The following DTNBP1 variants were observed in gnomAD, a reference collection of about 807,000 sequenced individuals.
DTNBP1 encodes the protein dystrobrevin binding protein 1.
A neutral mutation model predicts 42.8 loss-of-function variants in DTNBP1; 35 were observed. That is an observed-to-expected ratio of 0.82 (90% confidence interval 0.63 to 1.09). DTNBP1 has a LOEUF of 1.09. Ranked by LOEUF, DTNBP1 falls within the 50% of genes least tolerant of loss-of-function variation. DTNBP1 has a pLI of 0.00. For missense variants in DTNBP1, 457 were observed against 424.2 expected, an observed-to-expected ratio of 1.08 and a Z score of -0.68; for synonymous variants, 171 against 162.2, an observed-to-expected ratio of 1.05 and a Z score of -0.41.
intron 7 of DTNBP1, among the ~76,000 whole-genome samples, chr6:15,581,594 T>A (rs1285469372): frequency 6.6e-6 from 1 of 150,724 alleles, no homozygotes; most frequent in African/African-American, 2.4e-5. Context: ...ACTTCTCCTG[T>A]CTCAGCCTCC....
chr6:15,624,544 C>T (rs1759229467), intron 5 of DTNBP1, among the ~76,000 whole-genome samples: 1 of 152,058 alleles, frequency 6.6e-6, no homozygotes, highest in Non-Finnish European at 1.5e-5. Context: ...AAATCCTTTG[C>T]CCTTCAATAA....
At chr6:15,644,052 T>G (rs1463587874) in intron 3 of DTNBP1, among the ~76,000 whole-genome samples, 1 of 151,966 alleles carries the variant, frequency 6.6e-6, no homozygotes, top group Non-Finnish European at 1.5e-5. Context: ...ATCTCACATG[T>G]AATGACACCC....
chr6:15,659,359 G>A (rs1451741539), intron 1 of DTNBP1, among the ~76,000 whole-genome samples: 1 of 152,202 alleles, frequency 6.6e-6, no homozygotes, highest in Non-Finnish European at 1.5e-5. Context: ...AATGCCTGAG[G>A]CCTTCCATTC....
intron 7 of DTNBP1, among the ~76,000 whole-genome samples, chr6:15,571,733 A>C (rs1775347737): frequency 6.6e-6 from 1 of 152,152 alleles, no homozygotes. Flanking sequence ...TTCCAGCTGC[A>C]CTGTGAACTT....
At chr6:15,588,242 T>A (rs1415659118) in intron 7 of DTNBP1, among the ~76,000 whole-genome samples, 1 of 152,224 alleles carries the variant, frequency 6.6e-6, no homozygotes, top group African/African-American at 2.4e-5. Flanking sequence ...ATGGCTGAAT[T>A]CAAATCTAAT....
chr6:15,523,603 A>G, intron 9 of DTNBP1: 6 of 1,286,010 alleles, frequency 4.7e-6, no homozygotes, highest in Non-Finnish European at 6.1e-6. Context: ...CAGAGACACC[A>G]CTGCTGAGAA....
chr6:15,638,671 A>G, intron 3 of DTNBP1, among the ~76,000 whole-genome samples: 1 of 152,194 alleles, frequency 6.6e-6, no homozygotes, highest in East Asian at 1.9e-4. Context: ...ATTAATGTCA[A>G]CAGTAATGAG....
intron 6 of DTNBP1, among the ~76,000 whole-genome samples, chr6:15,609,018 T>TCTC (rs1444196099): frequency 6.6e-6 from 1 of 152,186 alleles, no homozygotes; most frequent in Non-Finnish European, 1.5e-5. Context: ...CTCTCCTCCT[T>TCTC]CTCACTCCTT....
At chr6:15,585,293 C>A (rs1301495715) in intron 7 of DTNBP1, among the ~76,000 whole-genome samples, 1 of 150,882 alleles carries the variant, frequency 6.6e-6, no homozygotes, top group African/African-American at 2.4e-5. Context: ...CAAGGGATGC[C>A]GAATTAGTTT....
intron 5 of DTNBP1, among the ~76,000 whole-genome samples, chr6:15,620,411 CTCCTGGGCTTGAGCGATCT>C (rs1353526013): frequency 3.9e-5 from 6 of 152,046 alleles, no homozygotes; most frequent in African/African-American, 1.5e-4. Flanking sequence ...TGGTCTTGAA[CTCCTGGGCTTGAGCGATCT>C]TCCTGCGTTG....
intron 6 of DTNBP1, among the ~76,000 whole-genome samples, chr6:15,612,501 T>C (rs1320708357): frequency 6.6e-6 from 1 of 152,240 alleles, no homozygotes; most frequent in African/African-American, 2.4e-5. Context: ...ATTCATATAC[T>C]TTTTGTATTA....
chr6:15,615,046 T>C (rs1408666679), intron 6 of DTNBP1: 1 of 695,354 alleles, frequency 1.4e-6, no homozygotes, highest in Non-Finnish European at 2.5e-6. Flanking sequence ...CATCTTTATA[T>C]TTGGGATTCA....
rs78975928 is a variant in DTNBP1 at position 15,523,073 on chromosome 6, G to C, written c.958C>G (p.Gln320Glu). ...ISEGGESPVV[Q>E]SDEEEVQVDT... ...ACCTGAACTTCCTCCTCATCGGACT[G>C]AACAACGGGGGACTCCCCACCCTCA... Residue 320 changes from glutamine to glutamate, a missense_variant, in exon 10 of 10, where the codon CAG (glutamine) becomes GAG (glutamate). Coordinates refer to ENST00000344537, the MANE Select transcript of DTNBP1 (RefSeq NM_032122.5). The C allele has an allele frequency of 2.5e-6, 4 of 1,614,108 alleles. No individual in the cohort carries two copies. The African/African-American group carries it at 5.3e-5, about 22-fold the overall frequency.
intron 9 of DTNBP1, 136 bp from the exon 10 acceptor site, chr6:15,523,355 C>T: frequency 7.4e-7 from 1 of 1,355,034 alleles, no homozygotes; most frequent in African/African-American, 1.4e-5. Flanking sequence ...GCCTGCAGAA[C>T]TTGGGAACTG....
chr6:15,597,687 A>G (rs915811538), intron 6 of DTNBP1, among the ~76,000 whole-genome samples: 2 of 152,186 alleles, frequency 1.3e-5, no homozygotes, highest in Non-Finnish European at 2.9e-5. Context: ...TCGTCTCTAC[A>G]GTTCCTGAAG....
Position 15,568,276 on chromosome 6 carries a change from A to C in DTNBP1, c.511+24783T>G, listed in dbSNP as rs190305028. 3.6e-3 allele frequency among the ~76,000 whole-genome samples: 555 copies of C among 152,322 alleles called. 15 individuals are homozygous for C. Among genetic ancestry groups the C allele is most frequent in the Admixed American group, 0.028 (424 of 15,302 alleles). ...ATTTATTACTGAGAGAATTTTAGAG[A>C]TATCCTTTCGTCCTCCAATCATATT... On this transcript the variant is annotated intron_variant, in intron 7 of 9. Transcript: ENST00000344537.
chr6:15,594,460 G>A (rs768030987), intron 6 of DTNBP1, among the ~76,000 whole-genome samples: 11 of 145,676 alleles, frequency 7.6e-5, no homozygotes, highest in Non-Finnish European at 9.0e-5. Context: ...GCGAGACTCT[G>A]TCTCAAAAAA....
chr6:15,532,249 C>T (rs1772893790), intron 8 of DTNBP1, among the ~76,000 whole-genome samples: 1 of 152,234 alleles, frequency 6.6e-6, no homozygotes, highest in African/African-American at 2.4e-5. Flanking sequence ...CTGCCCTGCC[C>T]ACCCCTGCTG....
At chr6:15,641,224 TG>T (rs1760330389) in intron 3 of DTNBP1, among the ~76,000 whole-genome samples, 1 of 152,214 alleles carries the variant, frequency 6.6e-6, no homozygotes, top group African/African-American at 2.4e-5. Flanking sequence ...TGCGTGTTTT[TG>T]TTTTTGTTTT....
Sources: gnomAD v4.1 joint callset for allele counts (sites outside exome capture counted in the v4.1 genomes callset) on GRCh38, gnomAD v4.1.1 for gene constraint, MANE v1.5 for transcripts, NCBI Gene and HGNC (gene_info 2026-07-23, HGNC 2026-07-21) for gene names.